DGKG: variants seen among roughly 807,000 people sequenced by gnomAD.
DGKG encodes the protein diacylglycerol kinase gamma.
A neutral mutation model predicts 105.3 loss-of-function variants in DGKG; 78 were observed. That is an observed-to-expected ratio of 0.74 (90% CI 0.62 to 0.89). The LOEUF is 0.89. Ranked by LOEUF, DGKG falls within the 40% of genes least tolerant of loss-of-function variation. DGKG has a pLI of 0.00. For missense variants in DGKG, 958 were observed against 1,020.1 expected, an observed-to-expected ratio of 0.94 and a Z score of 0.83; for synonymous variants, 346 against 367.1, an observed-to-expected ratio of 0.94 and a Z score of 0.66.
At chr3:186,271,963 T>C (rs1319364089) in intron 11 of DGKG, among the ~76,000 whole-genome samples, 1 of 152,196 alleles carries the variant, frequency 6.6e-6, no homozygotes, top group Non-Finnish European at 1.5e-5. Context: ...ATCTCACTAT[T>C]CTGTTCTTTG....
intron 19 of DGKG, among the ~76,000 whole-genome samples, chr3:186,245,368 C>T (rs1021332432): frequency 2.6e-5 from 4 of 152,154 alleles, no homozygotes; most frequent in Non-Finnish European, 4.4e-5. Context: ...ACTCTGACCA[C>T]GTTTCTCTAT....
chr3:186,302,507 CATATGTGTAT>C (rs1724002244), intron 3 of DGKG, among the ~76,000 whole-genome samples: 6 of 11,480 alleles, frequency 5.2e-4, no homozygotes, highest in African/African-American at 1.0e-3. Context: ...TATATATATA[CATATGTGTAT>C]ATATATATAT....
chr3:186,285,264 A>T (rs191953836), intron 6 of DGKG, among the ~76,000 whole-genome samples: 4 of 152,368 alleles, frequency 2.6e-5, no homozygotes, highest in Admixed American at 2.0e-4. Flanking sequence ...GGCTTAGAAC[A>T]TAGAAAGCAC....
chr3:186,148,879 C>T lies in DGKG; in HGVS notation c.*1211G>A, dbSNP rs573630752. Reference sequence around the variant, plus strand: ...GGTGGAGTGGGGGAGTGAGAACCTTCTTTTTCCTTACCACTTTCTGTCTCA... The same window carrying T: ...GGTGGAGTGGGGGAGTGAGAACCTTTTTTTTCCTTACCACTTTCTGTCTCA... On this transcript the variant is annotated 3_prime_UTR_variant, in exon 25 of 25. Transcript: ENST00000265022. 1.0e-6 allele frequency: 1 copy of T among 983,892 alleles called. No homozygotes were observed. The highest frequency in any genetic ancestry group is 6.2e-5 in the Admixed American group (1 of 16,088). The allele number at this position is 983,892 out of a possible 1,614,324, so 60.9% of individuals were successfully genotyped here.
chr3:186,270,744 T>G (rs1161031056), intron 11 of DGKG, among the ~76,000 whole-genome samples: 1 of 152,228 alleles, frequency 6.6e-6, no homozygotes, highest in South Asian at 2.1e-4. Context: ...TAGCCAGGTC[T>G]TCTGACCCCA....
chr3:186,316,829 C>T (rs1355498565), intron 2 of DGKG, among the ~76,000 whole-genome samples: 1 of 152,190 alleles, frequency 6.6e-6, no homozygotes, highest in Non-Finnish European at 1.5e-5. Flanking sequence ...TTGTAAAGCT[C>T]CTGTTTATGT....
intron 1 of DGKG, among the ~76,000 whole-genome samples, chr3:186,357,990 C>T (rs1396977803): frequency 1.3e-5 from 2 of 152,192 alleles, no homozygotes; most frequent in Non-Finnish European, 2.9e-5. Flanking sequence ...AGGAAATAGT[C>T]ACATGTGAAA....
At chr3:186,246,263 C>G (rs1408751071) in intron 19 of DGKG, among the ~76,000 whole-genome samples, 1 of 152,226 alleles carries the variant, frequency 6.6e-6, no homozygotes, top group East Asian at 1.9e-4. Context: ...TGAGCCCCCA[C>G]GCCTGGCCTG....
Position 186,294,890 on chromosome 3 carries a change from C to T in DGKG, c.373+2531G>A, listed in dbSNP as rs139273040. ...TTGTGGAGTCTTGGCCTGCTGCTGT[C>T]CCTGAAGCCTTCGGGAAGGCACAGC... On this transcript the variant is annotated intron_variant, in intron 5 of 24. Coordinates refer to ENST00000265022, the MANE Select transcript of DGKG (RefSeq NM_001346.3). 1.3e-3 allele frequency among the ~76,000 whole-genome samples: 204 copies of T among 152,308 alleles called. 3 individuals are homozygous for T. In the East Asian group the frequency reaches 0.035, roughly 26 times the overall value.
intron 14 of DGKG, 23 bp downstream of exon 14, chr3:186,265,224 C>A (rs776005937): frequency 3.7e-6 from 6 of 1,613,284 alleles, no homozygotes; most frequent in South Asian, 3.3e-5. Flanking sequence ...AAGGTGCAAT[C>A]GGATTTAGAG....
At chr3:186,303,340 C>T (rs1724066815) in intron 3 of DGKG, among the ~76,000 whole-genome samples, 1 of 152,186 alleles carries the variant, frequency 6.6e-6, no homozygotes, top group Non-Finnish European at 1.5e-5. Flanking sequence ...CCTGGACTAA[C>T]ATCCCAGGCA....
At chr3:186,353,274 G>A (rs565959872) in intron 1 of DGKG, among the ~76,000 whole-genome samples, 33 of 152,138 alleles carry the variant, frequency 2.2e-4, no homozygotes, top group African/African-American at 7.9e-4. Flanking sequence ...TGTAATCCCA[G>A]CCCTTTGAGA....
At chr3:186,302,523 TATATATATAC>T (rs1292135762) in intron 3 of DGKG, among the ~76,000 whole-genome samples, 63 of 66,250 alleles carry the variant, frequency 9.5e-4, no homozygotes, top group Admixed American at 2.0e-3. Context: ...TGTATATATA[TATATATATAC>T]ATATGTATAT....
chr3:186,169,683 A>G (rs569834868), intron 22 of DGKG, among the ~76,000 whole-genome samples: 1 of 152,308 alleles, frequency 6.6e-6, no homozygotes, highest in East Asian at 1.9e-4. Flanking sequence ...TCACTTGTCT[A>G]TCAAAACTCA....
Position 186,161,615 on chromosome 3 carries a change from C to T in DGKG, c.2265G>A (p.Gln755=), listed in dbSNP as rs777824962. ...PMQVDGEPWM[Q]PCCTIKITHK... ...TGGCAAGACTCACCGTGCAACATGG[C>T]TGCATCCAGGGTTCTCCATCCACTT... Residue 755 remains glutamine (Q), a synonymous_variant, in exon 24 of 25, where the codon CAG becomes CAA. Transcript: ENST00000265022. 4.3e-6 allele frequency: 7 copies of T among 1,614,100 alleles called. No homozygotes were observed. The highest frequency in any genetic ancestry group is 1.3e-5 in the African/African-American group (1 of 74,944).
intron 8 of DGKG, 30 bp downstream of exon 8, chr3:186,280,640 C>A (rs1357240312): frequency 6.3e-7 from 1 of 1,594,186 alleles, no homozygotes; most frequent in Non-Finnish European, 8.6e-7. Flanking sequence ...AAGCTCACTC[C>A]AAAGCCACCC....
chr3:186,272,949 G>A (rs1156324255), intron 10 of DGKG, among the ~76,000 whole-genome samples: 1 of 151,974 alleles, frequency 6.6e-6, no homozygotes. Context: ...GGCTGGTCTC[G>A]AACTCCTGAC....
chr3:186,296,112 CAA>C (rs36070727), intron 5 of DGKG, among the ~76,000 whole-genome samples: 53,111 of 143,332 alleles, frequency 0.37, 9,599 homozygotes, highest in Non-Finnish European at 0.4. Context: ...TTATCTCAGA[CAA>C]AAAAAAAAAA....
intron 1 of DGKG, among the ~76,000 whole-genome samples, chr3:186,340,912 AG>A (rs1726056486): frequency 6.6e-6 from 1 of 152,102 alleles, no homozygotes; most frequent in Non-Finnish European, 1.5e-5. Context: ...GTTTCTGGGT[AG>A]GGGCTTCTTA....
Sources: allele counts gnomAD v4.1 joint callset (sites outside exome capture counted in the v4.1 genomes callset), GRCh38; gene constraint gnomAD v4.1.1; transcripts MANE v1.5; gene names NCBI Gene and HGNC (gene_info 2026-07-23, HGNC 2026-07-21).